Variants in OPCML observed in about 807,000 individuals in gnomAD.
OPCML encodes the protein opioid binding protein/cell adhesion molecule like.
Under a neutral mutation model 37.8 loss-of-function variants are expected in OPCML, and 13 were observed. That is an observed-to-expected ratio of 0.34 (90% CI 0.22 to 0.55). The LOEUF (loss-of-function observed/expected upper bound fraction) is 0.55, where lower values mean the gene tolerates loss of function less well. Ranked by LOEUF, OPCML falls within the 20% of genes least tolerant of loss-of-function variation. The pLI, the probability that OPCML is intolerant of heterozygous loss-of-function variation, is 0.91. For synonymous variants in OPCML, 176 were observed against 168.8 expected (o/e 1.04, Z -0.33); for missense variants, 341 against 435.6 (o/e 0.78, Z 1.93).
intron 1 of OPCML, among the ~76,000 whole-genome samples, chr11:133,510,835 G>T (rs1212536840): frequency 6.6e-6 from 1 of 151,764 alleles, no homozygotes; most frequent in African/African-American, 2.4e-5. Context: ...TCCTCTTCTG[G>T]TGATCACATG....
At chr11:133,102,611 G>T (rs933626267) in intron 1 of OPCML, among the ~76,000 whole-genome samples, 3 of 152,020 alleles carry the variant, frequency 2.0e-5, no homozygotes, top group Non-Finnish European at 4.4e-5. Flanking sequence ...TTCACCAGGC[G>T]TGGTGGCAGG....
At chr11:132,464,425 G>A (rs1036992000) in intron 4 of OPCML, among the ~76,000 whole-genome samples, 1 of 152,138 alleles carries the variant, frequency 6.6e-6, no homozygotes, top group African/African-American at 2.4e-5. Context: ...CTCCAGCCTG[G>A]CCACTAGAAT....
intron 3 of OPCML, among the ~76,000 whole-genome samples, chr11:132,555,198 T>A (rs560685724): frequency 2.0e-5 from 3 of 152,216 alleles, no homozygotes; most frequent in Non-Finnish European, 4.4e-5. Context: ...ATTCATCTGT[T>A]TCATGCTGTT....
chr11:133,297,523 A>G (rs1157389092), intron 1 of OPCML: 1 of 152,226 alleles, frequency 6.6e-6, no homozygotes, highest in East Asian at 1.9e-4. Context: ...AAGGAGAAAA[A>G]ATGCATACGT....
In OPCML at chr11:132,979,798, T is replaced by G. The variant is rs144266299; in HGVS notation, c.62-36788A>C. On this transcript the variant is annotated intron_variant, in intron 1 of 7. Transcript: ENST00000524381. ...AGAGGGAGGGTTTAACCAGGAGAAT[T>G]TGCTGGGAGAGCAGCTTGTAAGAGA... Among the ~76,000 whole-genome samples the G allele has an allele frequency of 9.2e-5, 14 of 152,252 alleles. No individual in the cohort carries two copies. The East Asian group carries it at 2.5e-3, about 27-fold the overall frequency.
intron 3 of OPCML, among the ~76,000 whole-genome samples, chr11:132,652,558 T>C (rs1181938190): frequency 6.6e-6 from 1 of 152,186 alleles, no homozygotes; most frequent in Non-Finnish European, 1.5e-5. Flanking sequence ...GCCAGGCTCT[T>C]AACCTCCATG....
intron 1 of OPCML, among the ~76,000 whole-genome samples, chr11:133,438,440 T>C (rs1234081847): frequency 6.6e-6 from 1 of 151,794 alleles, no homozygotes; most frequent in Non-Finnish European, 1.5e-5. Flanking sequence ...TTAAAGTATA[T>C]CAGCAATCAC....
intron 2 of OPCML, among the ~76,000 whole-genome samples, chr11:132,782,086 A>G (rs548454226): frequency 4.0e-5 from 6 of 151,584 alleles, no homozygotes; most frequent in Admixed American, 2.6e-4. Flanking sequence ...AGTCTCTGCA[A>G]ATGTTTGAAA....
intron 4 of OPCML, among the ~76,000 whole-genome samples, chr11:132,474,347 G>C (rs779860421): frequency 3.9e-5 from 6 of 152,094 alleles, no homozygotes; most frequent in Non-Finnish European, 7.4e-5. Flanking sequence ...CAAGGAGAGA[G>C]TAAATTAAGA....
intron 3 of OPCML, among the ~76,000 whole-genome samples, chr11:132,579,056 C>A (rs562100165): frequency 1.3e-5 from 2 of 152,082 alleles, no homozygotes; most frequent in African/African-American, 2.4e-5. Context: ...GAAAATGCAC[C>A]CTGACTTTAT....
At chr11:132,857,934 C>G (rs759369339) in intron 2 of OPCML, among the ~76,000 whole-genome samples, 3 of 152,066 alleles carry the variant, frequency 2.0e-5, no homozygotes, top group Non-Finnish European at 4.4e-5. Flanking sequence ...AAGTGTTACC[C>G]TGGGGAGACA....
chr11:133,381,113 G>T (rs981880773), intron 1 of OPCML, among the ~76,000 whole-genome samples: 1 of 152,230 alleles, frequency 6.6e-6, no homozygotes, highest in Non-Finnish European at 1.5e-5. Context: ...TCCGCATGAA[G>T]AGCTGTCTTG....
intron 4 of OPCML, among the ~76,000 whole-genome samples, chr11:132,462,232 C>A (rs2096104831): frequency 1.3e-5 from 2 of 152,168 alleles, no homozygotes; most frequent in South Asian, 2.1e-4. Flanking sequence ...CCGCCACACA[C>A]ACACTTTTTG....
intron 4 of OPCML, among the ~76,000 whole-genome samples, chr11:132,458,736 AGTAAAGACAGTTTTGACATTTTG>A (rs1402518611): frequency 1.1e-4 from 17 of 152,216 alleles, no homozygotes; most frequent in African/African-American, 4.1e-4. Context: ...CATAAAGATC[AGTAAAGACAGTTTTGACATTTTG>A]GTAAATAATG....
At chr11:132,439,342 G>A (rs959148497) in intron 4 of OPCML, among the ~76,000 whole-genome samples, 5 of 152,166 alleles carry the variant, frequency 3.3e-5, no homozygotes, top group East Asian at 1.9e-4. Flanking sequence ...GCCACCAGAT[G>A]GGAACTTAGA....
At chr11:132,840,927 G>C (rs1260202994) in intron 2 of OPCML, among the ~76,000 whole-genome samples, 1 of 152,078 alleles carries the variant, frequency 6.6e-6, no homozygotes, top group Non-Finnish European at 1.5e-5. Context: ...AGAGCCCAGG[G>C]CCCAGGTGGA....
At chr11:132,453,694 A>G (rs184225837) in intron 4 of OPCML, among the ~76,000 whole-genome samples, 2 of 152,362 alleles carry the variant, frequency 1.3e-5, no homozygotes, top group East Asian at 3.9e-4. Flanking sequence ...GATACTATTT[A>G]GCTGGTTGGG....
intron 1 of OPCML, chr11:133,006,509 G>GT: frequency 1.0e-6 from 1 of 985,374 alleles, no homozygotes; most frequent in East Asian, 1.1e-4. Flanking sequence ...ATCATAACTT[G>GT]TTTTTCAGTT....
At chr11:133,149,814 G>A (rs1408577975) in intron 1 of OPCML, among the ~76,000 whole-genome samples, 2 of 152,220 alleles carry the variant, frequency 1.3e-5, no homozygotes, top group African/African-American at 4.8e-5. Flanking sequence ...ATCCAATTTG[G>A]ATCCAAAGCC....
Sources: allele counts gnomAD v4.1 joint callset (sites outside exome capture counted in the v4.1 genomes callset), GRCh38; gene constraint gnomAD v4.1.1; transcripts MANE v1.5; gene names NCBI Gene and HGNC (gene_info 2026-07-23, HGNC 2026-07-21).